The following KLF12 variants were observed in gnomAD, a reference collection of about 807,000 sequenced individuals.
KLF12 encodes Krueppel-like factor 12.
Under a neutral mutation model 37.8 loss-of-function variants are expected in KLF12, and 9 were observed. The ratio of observed to expected loss-of-function variants is 0.24; its 90% CI spans 0.14 to 0.42. The LOEUF (loss-of-function observed/expected upper bound fraction) is 0.42. KLF12 is among the 10% of genes least tolerant of loss of function. The pLI is 1.00. For missense variants in KLF12, 411 were observed against 516.0 expected, an observed-to-expected ratio of 0.80 and a Z score of 1.97; for synonymous variants, 208 against 202.1, an observed-to-expected ratio of 1.03 and a Z score of -0.25.
intron 5 of KLF12, among the ~76,000 whole-genome samples, chr13:73,809,744 C>A (rs1354850823): frequency 2.0e-5 from 3 of 152,124 alleles, no homozygotes; most frequent in Non-Finnish European, 4.4e-5. Flanking sequence ...TTTACACATG[C>A]ACATTCAGTC....
the KLF12 span, among the ~76,000 whole-genome samples, chr13:74,192,079 G>A: frequency 2.6e-5 from 4 of 151,896 alleles, no homozygotes; most frequent in African/African-American, 9.7e-5. Context: ...GTAAACAAAA[G>A]GCAGCAAACT....
At chr13:73,885,966 A>G (rs1887204643) in intron 3 of KLF12, among the ~76,000 whole-genome samples, 1 of 152,228 alleles carries the variant, frequency 6.6e-6, no homozygotes, top group African/African-American at 2.4e-5. Context: ...TTGGCTTACA[A>G]AACTCGAGGA....
the KLF12 span, among the ~76,000 whole-genome samples, chr13:74,242,824 G>A: frequency 1.3e-5 from 2 of 152,176 alleles, no homozygotes; most frequent in African/African-American, 4.8e-5. Context: ...ACATATTACA[G>A]CAAGGTGAGG....
chr13:73,898,387 T>C (rs1887887431), intron 3 of KLF12, among the ~76,000 whole-genome samples: 1 of 152,198 alleles, frequency 6.6e-6, no homozygotes, highest in Admixed American at 6.5e-5. Flanking sequence ...GTAGAATGTT[T>C]CCTATTAAAT....
chr13:73,901,734 T>C (rs1888050918), intron 3 of KLF12, among the ~76,000 whole-genome samples: 2 of 152,148 alleles, frequency 1.3e-5, no homozygotes, highest in African/African-American at 4.8e-5. Context: ...TTCTCTCCAT[T>C]CTAAGCTCCG....
intron 5 of KLF12, among the ~76,000 whole-genome samples, chr13:73,794,552 T>C (rs1881859820): frequency 6.6e-6 from 1 of 152,240 alleles, no homozygotes; most frequent in Non-Finnish European, 1.5e-5. Flanking sequence ...CTTTTCTATG[T>C]GGAATCCTGA....
the KLF12 span, among the ~76,000 whole-genome samples, chr13:74,142,844 A>T: frequency 4.6e-5 from 7 of 152,194 alleles, no homozygotes; most frequent in African/African-American, 1.7e-4. Flanking sequence ...TTAATTTGTA[A>T]AGATGAGTAT....
chr13:74,154,430 A>G, the KLF12 span, among the ~76,000 whole-genome samples: 1 of 152,150 alleles, frequency 6.6e-6, no homozygotes, highest in Non-Finnish European at 1.5e-5. Flanking sequence ...TTTATATACA[A>G]TTTGCCTCCC....
chr13:73,931,457 T>C (rs1889670302), intron 3 of KLF12, among the ~76,000 whole-genome samples: 1 of 152,116 alleles, frequency 6.6e-6, no homozygotes, highest in African/African-American at 2.4e-5. Flanking sequence ...AAAATCTCTA[T>C]TTATATATAT....
At chr13:73,820,293 G>A (rs777801615) in intron 4 of KLF12, among the ~76,000 whole-genome samples, 11 of 152,118 alleles carry the variant, frequency 7.2e-5, no homozygotes, top group Admixed American at 1.3e-4. Flanking sequence ...TAAAACTCAG[G>A]ACTTGGTTAC....
chr13:74,037,105 G>A (rs1029091474), intron 1 of KLF12, among the ~76,000 whole-genome samples: 4 of 151,108 alleles, frequency 2.6e-5, no homozygotes, highest in Non-Finnish European at 5.9e-5. Context: ...TCGGGAGGCT[G>A]AGGCAGAGAA....
At chr13:74,092,994 C>T (rs943219596) in intron 1 of KLF12, among the ~76,000 whole-genome samples, 8 of 152,324 alleles carry the variant, frequency 5.3e-5, no homozygotes, top group South Asian at 4.1e-4. Context: ...CTCACAACTA[C>T]GCACTTGAGG....
intron 1 of KLF12, among the ~76,000 whole-genome samples, chr13:74,099,990 G>A (rs1369827446): frequency 6.6e-6 from 1 of 151,974 alleles, no homozygotes; most frequent in African/African-American, 2.4e-5. Context: ...TGGGAAAGAA[G>A]GGCACACACA....
intron 3 of KLF12, among the ~76,000 whole-genome samples, chr13:73,884,059 T>C (rs1308251594): frequency 6.6e-6 from 1 of 152,140 alleles, no homozygotes; most frequent in African/African-American, 2.4e-5. Context: ...AAACTTTAAC[T>C]CCCCTACTTA....
At chr13:73,874,447 C>T (rs1399963408) in intron 3 of KLF12, among the ~76,000 whole-genome samples, 4 of 152,064 alleles carry the variant, frequency 2.6e-5, no homozygotes, top group Non-Finnish European at 5.9e-5. Context: ...AGCCATAGAC[C>T]CATGTAAAGT....
chr13:74,172,491 TC>T, the KLF12 span, among the ~76,000 whole-genome samples: 1 of 152,214 alleles, frequency 6.6e-6, no homozygotes, highest in African/African-American at 2.4e-5. Flanking sequence ...GTTTGCCCCA[TC>T]TTTTGGCTGT....
chr13:73,880,822 T>G (rs1886944633), intron 3 of KLF12, among the ~76,000 whole-genome samples: 1 of 152,214 alleles, frequency 6.6e-6, no homozygotes, highest in African/African-American at 2.4e-5. Flanking sequence ...CTAACCAAAC[T>G]GTTATTAAAT....
intron 3 of KLF12, among the ~76,000 whole-genome samples, chr13:73,906,775 A>C (rs7317829): frequency 0.049 from 7,516 of 152,248 alleles, 432 homozygotes; most frequent in African/African-American, 0.14. Context: ...TCCTGGAAAC[A>C]TACAATATGG....
rs544129334 is a variant in KLF12, at chr13:74,131,371, C to A, written c.-32+2368G>T. ...CGTCAAGCATCCCGATTTGTTCTCC[C>A]TTTGGCCTGGGGAGAGTGAGTACAC... On this transcript the variant is annotated intron_variant, in intron 1 of 7. Transcript: ENST00000377669. 2.0e-5 allele frequency among the ~76,000 whole-genome samples: 3 copies of A among 152,304 alleles called. No individual in the cohort carries two copies. In the South Asian group the frequency reaches 6.2e-4, roughly 32 times the overall value.
Sources: allele counts gnomAD v4.1 joint callset (sites outside exome capture counted in the v4.1 genomes callset), GRCh38; gene constraint gnomAD v4.1.1; transcripts MANE v1.5; gene names NCBI Gene and HGNC (gene_info 2026-07-23, HGNC 2026-07-21).